The following MAST3 variants were observed in gnomAD, a reference collection of about 807,000 sequenced individuals.
MAST3 encodes microtubule associated serine/threonine kinase 3.
Under a neutral mutation model 127.0 loss-of-function variants are expected in MAST3, and 43 were observed. That is an observed-to-expected ratio of 0.34 (90% CI 0.27 to 0.44). MAST3 has a LOEUF of 0.44. MAST3 is among the 20% of genes least tolerant of loss of function. MAST3 has a pLI of 1.00. For synonymous variants in MAST3, 785 were observed against 809.2 expected (o/e 0.97, Z 0.51); for missense variants, 1,390 against 1,919.1 (o/e 0.72, Z 5.15).
chr19:18,148,216 G>A (rs528131772), intron 27 of MAST3, among the ~76,000 whole-genome samples: 23 of 151,876 alleles, frequency 1.5e-4, no homozygotes, highest in African/African-American at 5.1e-4. Flanking sequence ...CAGGAGAATC[G>A]CTTGAACCCA....
chr19:18,148,828 G>C lies in MAST3; in HGVS notation c.3509-363G>C, dbSNP rs555040485. 2.6e-5 allele frequency among the ~76,000 whole-genome samples: 4 copies of C among 151,934 alleles called. No homozygotes were observed. The South Asian group carries it at 8.3e-4, about 32-fold the overall frequency. On this transcript the variant is annotated intron_variant, in intron 27 of 27. Coordinates refer to ENST00000687212, the MANE Select transcript of MAST3 (RefSeq NM_001393504.1). ...CGAGGCACGAGAATCATTTCAACCT[G>C]GGAGGTGAAGGTTGCAGTGAGCCAA... is the stretch of plus-strand genomic sequence containing the variant.
intron 21 of MAST3, 103 bp from the exon 22 acceptor site, chr19:18,143,660 C>T (rs2042743938): frequency 1.5e-5 from 22 of 1,450,404 alleles, no homozygotes; most frequent in Non-Finnish European, 2.0e-5. Flanking sequence ...ATGCAAATTA[C>T]CCTTGACTGC....
intron 20 of MAST3, 103 bp from the exon 21 acceptor site, chr19:18,141,779 C>A: frequency 1.0e-6 from 1 of 984,674 alleles, no homozygotes; most frequent in Non-Finnish European, 1.3e-6. Context: ...TGGTCTCAAA[C>A]TCCTGGGCTC....
chr19:18,126,054 A>C (rs1599768315), intron 11 of MAST3, among the ~76,000 whole-genome samples: 1 of 148,182 alleles, frequency 6.7e-6, no homozygotes, highest in African/African-American at 2.4e-5. Context: ...GTGAGCCTAC[A>C]TTTCAAAAAA....
intron 2 of MAST3, chr19:18,109,958 G>A: frequency 1.0e-6 from 1 of 985,326 alleles, no homozygotes; most frequent in Non-Finnish European, 1.2e-6. Flanking sequence ...GAGCAATCGC[G>A]CGGACCGCGG....
chr19:18,144,728 T>A lies in MAST3; in HGVS notation c.2812+35T>A, dbSNP rs1356576421. On this transcript the variant is annotated intron_variant, in intron 23 of 27. Coordinates refer to ENST00000687212, the MANE Select transcript of MAST3 (RefSeq NM_001393504.1). This position sits in a 1 kb window ranked among gnomAD's most constrained non-coding sequence, Gnocchi z 4.0. The stretch of plus-strand genomic sequence containing the variant: ...AAGGCCCCTCTCACCTTTGTCTGTC[T>A]GCACCCATTTTCACCAACAGGGTGG... 6.3e-7 allele frequency: 1 copy of A among 1,598,012 alleles called. No homozygotes were observed. Among genetic ancestry groups the A allele is most frequent in the Admixed American group, 1.7e-5 (1 of 60,002 alleles).
chr19:18,101,753 C>T (rs535663893), intron 1 of MAST3, among the ~76,000 whole-genome samples: 6 of 151,732 alleles, frequency 4.0e-5, no homozygotes, highest in African/African-American at 1.5e-4. Flanking sequence ...TGGATACAAG[C>T]GATTCTCACA....
In MAST3 at chr19:18,144,284, G is replaced by A. The variant is rs1221143475; in HGVS notation, c.2585-182G>A. Among the ~76,000 whole-genome samples the A allele has an allele frequency of 2.0e-5, 3 of 152,172 alleles. No individual in the cohort carries two copies. Among genetic ancestry groups the A allele is most frequent in the African/African-American group, 7.2e-5 (3 of 41,428 alleles). On this transcript the variant is annotated intron_variant, in intron 22 of 27. Coordinates refer to ENST00000687212, the MANE Select transcript of MAST3 (RefSeq NM_001393504.1). The surrounding 1 kb of genome is among the most constrained non-coding windows in gnomAD (Gnocchi z 4.0). ...GTGGAGGAAGGCTTCCTGGAGGAGGGGACTTGAAGACTTTTGCATAGAGAA... is the reference window on the plus strand; with the variant it reads ...GTGGAGGAAGGCTTCCTGGAGGAGGAGACTTGAAGACTTTTGCATAGAGAA...
intron 10 of MAST3, 115 bp from the exon 11 acceptor site, chr19:18,124,527 G>A: frequency 7.1e-7 from 1 of 1,411,790 alleles, no homozygotes; most frequent in Non-Finnish European, 9.6e-7. Flanking sequence ...GGAGGCAGCG[G>A]GAGTGGAGAC....
chr19:18,135,907 G>T (rs1172923017), intron 18 of MAST3, 66 bp downstream of exon 18: 15 of 1,257,574 alleles, frequency 1.2e-5, no homozygotes, highest in Admixed American at 2.1e-5. Flanking sequence ...GGGAATGGAG[G>T]GATAGCGCCC....
At chr19:18,113,744 G>A (rs1266891528) in intron 3 of MAST3, among the ~76,000 whole-genome samples, 1 of 151,974 alleles carries the variant, frequency 6.6e-6, no homozygotes, top group Non-Finnish European at 1.5e-5. Flanking sequence ...TTACAAGCGT[G>A]AGCCACTGCG....
In MAST3 at chr19:18,110,073, C is replaced by G. The variant is rs1400912884; in HGVS notation, c.72-579C>G. On this transcript the variant is annotated intron_variant, in intron 2 of 27. Coordinates refer to ENST00000687212, the MANE Select transcript of MAST3 (RefSeq NM_001393504.1). This position sits in a 1 kb window ranked among gnomAD's most constrained non-coding sequence, Gnocchi z 4.3. ...GGGCGGCACCCGCGGCTCCCCTTTC[C>G]CGCTGCGCGACCCTCGCTGCCGGGC... 1.0e-6 allele frequency: 1 copy of G among 985,204 alleles called. No homozygotes were observed. Among genetic ancestry groups the G allele is most frequent in the East Asian group, 1.1e-4 (1 of 8,808 alleles). 61.0% of individuals were successfully genotyped at this position (985,204 alleles called of 1,614,324 possible).
chr19:18,113,933 C>T (rs1383736175), intron 3 of MAST3, among the ~76,000 whole-genome samples: 6 of 152,208 alleles, frequency 3.9e-5, no homozygotes, highest in Non-Finnish European at 7.3e-5. Flanking sequence ...TCCATCTCCC[C>T]GTCGCTCACT....
intron 3 of MAST3, among the ~76,000 whole-genome samples, chr19:18,113,473 T>A (rs1271404228): frequency 6.6e-6 from 1 of 152,068 alleles, no homozygotes; most frequent in Non-Finnish European, 1.5e-5. Context: ...TTTTTTTGTT[T>A]GTTTGAGACG....
rs2147911931 is a variant in MAST3 at position 18,149,776 on chromosome 19, A to G, written c.*50A>G. On this transcript the variant is annotated 3_prime_UTR_variant, in exon 28 of 28. Coordinates refer to ENST00000687212, the MANE Select transcript of MAST3 (RefSeq NM_001393504.1). This position sits in a 1 kb window ranked among gnomAD's most constrained non-coding sequence, Gnocchi z 5.9. ...ATCAAAGTTACGCGTTTTCTTGTGC[A>G]ATGTTTTTTCCGTAAAGTCATGCCT... The G allele has an allele frequency of 4.4e-6, 7 of 1,602,042 alleles. No individual in the cohort carries two copies. The highest frequency in any genetic ancestry group is 5.9e-6 in the Non-Finnish European group (7 of 1,178,058).
chr19:18,140,908 C>T (rs1356790454), intron 20 of MAST3, among the ~76,000 whole-genome samples: 1 of 152,112 alleles, frequency 6.6e-6, no homozygotes, highest in African/African-American at 2.4e-5. Context: ...ATTCTCCTGC[C>T]TCAGCCTCCC....
chr19:18,097,856 G>C (rs1003534086), intron 1 of MAST3, 25 bp downstream of exon 1: 10 of 1,227,446 alleles, frequency 8.1e-6, no homozygotes, highest in Non-Finnish European at 1.0e-5. Context: ...CGGGCGGGCG[G>C]AAGGCAGAGG....
At chr19:18,109,602 AGAGG>A (rs1331028855) in intron 2 of MAST3, among the ~76,000 whole-genome samples, 1 of 151,886 alleles carries the variant, frequency 6.6e-6, no homozygotes, top group Non-Finnish European at 1.5e-5. Flanking sequence ...GTTTGCGCTG[AGAGG>A]GAGGAAGGAC....
chr19:18,124,451 A>C, intron 10 of MAST3, 85 bp downstream of exon 10: 2 of 1,407,850 alleles, frequency 1.4e-6, no homozygotes, highest in East Asian at 2.5e-5. Flanking sequence ...TACAGGTGAC[A>C]GTTCCCATCG....
Sources: gnomAD v4.1 joint callset for allele counts (sites outside exome capture counted in the v4.1 genomes callset) on GRCh38, gnomAD v4.1.1 for gene constraint, Gnocchi (gnomAD v3.1) non-coding constraint, MANE v1.5 for transcripts, NCBI Gene and HGNC (gene_info 2026-07-23, HGNC 2026-07-21) for gene names.